Variants in GPR39 observed in about 807,000 individuals in gnomAD.
GPR39 encodes the protein zinc sensing receptor.
GPR39 carries 23 observed loss-of-function variants against 18.4 expected under a neutral mutation model. The observed-to-expected ratio is 1.25, with a 90% CI of 0.90 to 1.77. GPR39 has a LOEUF of 1.77. GPR39 is among the 40% of genes most tolerant of loss of function. GPR39 has a pLI of 0.00. For missense variants in GPR39, 647 were observed against 602.4 expected, an observed-to-expected ratio of 1.07 and a Z score of -0.78; for synonymous variants, 280 against 257.9, an observed-to-expected ratio of 1.09 and a Z score of -0.82.
At chr2:132,538,961 C>T (rs562920131) in intron 1 of GPR39, among the ~76,000 whole-genome samples, 2 of 152,250 alleles carry the variant, frequency 1.3e-5, no homozygotes, top group East Asian at 1.9e-4. Context: ...GTGCTGGCAG[C>T]GGGAATTTCA....
chr2:132,544,490 C>T (rs1679908407), intron 1 of GPR39, among the ~76,000 whole-genome samples: 1 of 152,202 alleles, frequency 6.6e-6, no homozygotes, highest in African/African-American at 2.4e-5. Context: ...GGATTTTTCT[C>T]AGCCACTTTG....
At chr2:132,529,393 G>A (rs1214040500) in intron 1 of GPR39, among the ~76,000 whole-genome samples, 1 of 152,222 alleles carries the variant, frequency 6.6e-6, no homozygotes, top group Non-Finnish European at 1.5e-5. Flanking sequence ...AGCTCAAGGA[G>A]GCCTGCCTGC....
At chr2:132,569,714 A>T (rs549133027) in intron 1 of GPR39, among the ~76,000 whole-genome samples, 37 of 151,952 alleles carry the variant, frequency 2.4e-4, no homozygotes, top group Non-Finnish European at 5.1e-4. Context: ...CCCAAATCTC[A>T]TCTTGTAGCT....
intron 1 of GPR39, among the ~76,000 whole-genome samples, chr2:132,585,000 G>T (rs1680699427): frequency 6.6e-6 from 1 of 152,174 alleles, no homozygotes; most frequent in African/African-American, 2.4e-5. Context: ...CCACCATCAG[G>T]GCTGTGTGGT....
intron 1 of GPR39, among the ~76,000 whole-genome samples, chr2:132,617,705 A>G (rs567847852): frequency 3.3e-4 from 51 of 152,288 alleles, no homozygotes; most frequent in African/African-American, 1.2e-3. Context: ...TAGTAGTAGC[A>G]TCTTTTACAA....
chr2:132,620,027 A>T (rs1681412510), intron 1 of GPR39, among the ~76,000 whole-genome samples: 2 of 152,090 alleles, frequency 1.3e-5, no homozygotes, highest in African/African-American at 4.8e-5. Context: ...TGGTGTCAAA[A>T]TGCTCAACTC....
At chr2:132,619,824 GACACAGACACACACACACACACACACAC>G (rs1471452510) in intron 1 of GPR39, among the ~76,000 whole-genome samples, 1 of 127,250 alleles carries the variant, frequency 7.9e-6, no homozygotes, top group Non-Finnish European at 1.6e-5. Flanking sequence ...CACAGACACA[GACACAGACACACACACACACACACACAC>G]ACACAGACAC....
rs1313173228 is a variant in GPR39, at chr2:132,645,216, C to A, written c.972C>A (p.Ile324=). The change falls in exon 2 of 2, where the codon ATC becomes ATA. Residue 324 remains isoleucine, a synonymous_variant. Transcript: ENST00000329321. ...WTRSYFRAYM[I]LLPFSETFFY... ...GGTCCTACTTCCGGGCGTACATGATCCTCCTCCCCTTCTCGGAGACGTTTT... is the reference window on the plus strand; with the variant it reads ...GGTCCTACTTCCGGGCGTACATGATACTCCTCCCCTTCTCGGAGACGTTTT... The A allele has an allele frequency of 5.0e-6, 8 of 1,614,164 alleles. No homozygotes were observed. The highest frequency in any genetic ancestry group is 6.8e-6 in the Non-Finnish European group (8 of 1,180,026).
At chr2:132,637,816 C>T (rs1681791129) in intron 1 of GPR39, among the ~76,000 whole-genome samples, 1 of 152,164 alleles carries the variant, frequency 6.6e-6, no homozygotes, top group Non-Finnish European at 1.5e-5. Context: ...ACAAACTCAG[C>T]AATGGGCGGA....
chr2:132,645,728 A>C lies in GPR39; in HGVS notation c.*122A>C. The C allele has an allele frequency of 7.4e-7, 1 of 1,342,298 alleles. No individual in the cohort carries two copies. Among genetic ancestry groups the C allele is most frequent in the Admixed American group, 2.5e-5 (1 of 39,544 alleles). The allele number at this position is 1,342,298 out of a possible 1,614,324, so 83.1% of individuals were successfully genotyped here. ...TGGAATGGACACTGGAGGCTTTACAAAAGGCAGATGCCCACCTCAGTGACT... is the reference window on the plus strand; with the variant it reads ...TGGAATGGACACTGGAGGCTTTACACAAGGCAGATGCCCACCTCAGTGACT... On this transcript the variant is annotated 3_prime_UTR_variant, in exon 2 of 2. Transcript: ENST00000329321.
Position 132,493,527 on chromosome 2 carries a change from T to TAC in GPR39, c.856+75636_856+75637dup, listed in dbSNP as rs1254115908. Reference sequence around the variant, plus strand: ...CACCATATATATATATATATATATATACACACACCATATATATATATATGG... The same window carrying TAC: ...CACCATATATATATATATATATATATACACACACACCATATATATATATATGG... On this transcript the variant is annotated intron_variant, in intron 1 of 1. Transcript: ENST00000329321. Among the ~76,000 whole-genome samples the TAC allele has an allele frequency of 3.4e-4, 44 of 129,988 alleles. 2 individuals are homozygous for TAC. Among genetic ancestry groups the TAC allele is most frequent in the African/African-American group, 4.6e-4 (15 of 32,276 alleles). 85.3% of individuals were successfully genotyped at this position (129,988 alleles called of 152,430 possible).
chr2:132,470,237 A>AGGT (rs1452038059), intron 1 of GPR39, among the ~76,000 whole-genome samples: 28 of 152,128 alleles, frequency 1.8e-4, no homozygotes, highest in African/African-American at 6.5e-4. Context: ...TGCAGAGCAG[A>AGGT]GGTGTGAGAC....
chr2:132,434,365 C>T (rs1680274558), intron 1 of GPR39, among the ~76,000 whole-genome samples: 1 of 152,156 alleles, frequency 6.6e-6, no homozygotes, highest in Non-Finnish European at 1.5e-5. Context: ...GCAAGAAGGC[C>T]TGGACAATAA....
At chr2:132,533,134 C>G (rs1679673584) in intron 1 of GPR39, among the ~76,000 whole-genome samples, 1 of 152,136 alleles carries the variant, frequency 6.6e-6, no homozygotes, top group Non-Finnish European at 1.5e-5. Flanking sequence ...AGCTGATAAA[C>G]AACTCAGCGA....
intron 1 of GPR39, among the ~76,000 whole-genome samples, chr2:132,465,581 C>T (rs762626773): frequency 6.6e-6 from 1 of 152,144 alleles, no homozygotes; most frequent in South Asian, 2.1e-4. Context: ...AGCATGGTAG[C>T]CTAGGAGGAG....
chr2:132,419,302 A>G (rs114480096), intron 1 of GPR39, among the ~76,000 whole-genome samples: 1,591 of 152,332 alleles, frequency 0.01, 14 homozygotes, highest in Non-Finnish European at 0.017. Flanking sequence ...TCCATCTTCT[A>G]GAGGAGGAAT....
chr2:132,569,732 T>G (rs1488381435), intron 1 of GPR39, among the ~76,000 whole-genome samples: 1 of 152,054 alleles, frequency 6.6e-6, no homozygotes, highest in Non-Finnish European at 1.5e-5. Flanking sequence ...GCTCCCATAA[T>G]TCCCATGTGT....
intron 1 of GPR39, among the ~76,000 whole-genome samples, chr2:132,591,169 T>G (rs1224609731): frequency 2.1e-5 from 3 of 144,204 alleles, no homozygotes; most frequent in Non-Finnish European, 4.5e-5. Context: ...GAGAATGGCG[T>G]GAACCCGGGA....
intron 1 of GPR39, among the ~76,000 whole-genome samples, chr2:132,539,323 C>G (rs1679818855): frequency 6.6e-6 from 1 of 152,114 alleles, no homozygotes; most frequent in South Asian, 2.1e-4. Flanking sequence ...TTGCACTTCC[C>G]AGATGAAGTG....
Sources: allele counts gnomAD v4.1 joint callset (sites outside exome capture counted in the v4.1 genomes callset), GRCh38; gene constraint gnomAD v4.1.1; transcripts MANE v1.5; gene names NCBI Gene and HGNC (gene_info 2026-07-23, HGNC 2026-07-21).